The following DPP10 variants were observed in gnomAD, a reference collection of about 807,000 sequenced individuals.
DPP10 encodes the protein inactive dipeptidyl peptidase 10.
A neutral mutation model predicts 120.9 loss-of-function variants in DPP10; 33 were observed. The ratio of observed to expected loss-of-function variants is 0.27; its 90% CI spans 0.21 to 0.37. The LOEUF is 0.37. Among genes scored for constraint, DPP10 ranks in the 10% least tolerant of loss-of-function variants. The pLI, the probability that DPP10 is intolerant of heterozygous loss-of-function variation, is 1.00. For synonymous variants in DPP10, 337 were observed against 326.1 expected, an observed-to-expected ratio of 1.03 and a Z score of -0.36; for missense variants, 816 against 942.8, an observed-to-expected ratio of 0.87 and a Z score of 1.76.
At chr2:115,376,821 G>A (rs1257025313) in intron 3 of DPP10, among the ~76,000 whole-genome samples, 3 of 150,016 alleles carry the variant, frequency 2.0e-5, no homozygotes, top group Admixed American at 1.3e-4. Flanking sequence ...TTGTTCTTGC[G>A]ATAGTTTACT....
chr2:115,556,999 C>T (rs982345707), intron 5 of DPP10, among the ~76,000 whole-genome samples: 1 of 152,134 alleles, frequency 6.6e-6, no homozygotes, highest in African/African-American at 2.4e-5. Context: ...AATAATTTTT[C>T]TGACTACAAG....
chr2:114,624,444 G>A (rs1174777767), intron 1 of DPP10, among the ~76,000 whole-genome samples: 4 of 151,916 alleles, frequency 2.6e-5, no homozygotes, highest in Non-Finnish European at 5.9e-5. Context: ...AAATTATCAT[G>A]TGAATATTAT....
At chr2:115,699,000 C>A (rs2091741323) in intron 7 of DPP10, among the ~76,000 whole-genome samples, 2 of 95,056 alleles carry the variant, frequency 2.1e-5, no homozygotes, top group Non-Finnish European at 2.1e-5. Flanking sequence ...ACTAAATTGG[C>A]AAACCTTTAG....
chr2:115,016,771 G>A (rs1000842530), intron 1 of DPP10, among the ~76,000 whole-genome samples: 18 of 151,974 alleles, frequency 1.2e-4, no homozygotes, highest in South Asian at 2.1e-4. Flanking sequence ...TGTTTATTGC[G>A]GCACTATTCA....
At chr2:115,403,581 G>A (rs997340956) in intron 3 of DPP10, among the ~76,000 whole-genome samples, 3 of 151,794 alleles carry the variant, frequency 2.0e-5, no homozygotes, top group African/African-American at 7.3e-5. Flanking sequence ...TGTATTTTCA[G>A]TAGAGATAGG....
rs375064041 is a variant in DPP10 at position 115,538,807 on chromosome 2, A to G, written c.441+12835A>G. Among the ~76,000 whole-genome samples, 5 of 152,014 alleles carry G rather than the reference A, an allele frequency of 3.3e-5. No individual in the cohort carries two copies. In the South Asian group the frequency reaches 8.3e-4, roughly 25 times the overall value. On this transcript the variant is annotated intron_variant, in intron 5 of 25. Coordinates refer to ENST00000410059, the MANE Select transcript of DPP10 (RefSeq NM_020868.6). ...CTGCAGTCACCAGCCACATGTGTCTATTGAGGACTTGAAATGTGAGTAGTC... is the reference window on the plus strand; with the variant it reads ...CTGCAGTCACCAGCCACATGTGTCTGTTGAGGACTTGAAATGTGAGTAGTC...
At chr2:115,104,251 G>A (rs1206266897) in intron 1 of DPP10, among the ~76,000 whole-genome samples, 1 of 131,622 alleles carries the variant, frequency 7.6e-6, no homozygotes, top group Non-Finnish European at 1.5e-5. Context: ...CATGACCATA[G>A]CTCACTGCAG....
chr2:114,672,435 A>G (rs79333140), intron 1 of DPP10, among the ~76,000 whole-genome samples: 1 of 152,138 alleles, frequency 6.6e-6, no homozygotes, highest in Non-Finnish European at 1.5e-5. Context: ...AGTACTCTGC[A>G]TGAGTGAATA....
At chr2:114,991,665 A>G (rs1700761844) in intron 1 of DPP10, among the ~76,000 whole-genome samples, 1 of 152,240 alleles carries the variant, frequency 6.6e-6, no homozygotes, top group Non-Finnish European at 1.5e-5. Flanking sequence ...TGATAAATAT[A>G]AACAAAGTAT....
chr2:114,797,722 G>A (rs889305990), intron 1 of DPP10, among the ~76,000 whole-genome samples: 2 of 152,184 alleles, frequency 1.3e-5, no homozygotes, highest in African/African-American at 4.8e-5. Flanking sequence ...GTCAAGTCAT[G>A]CTTACAAGGA....
chr2:114,997,316 C>A (rs1379537570), intron 1 of DPP10, among the ~76,000 whole-genome samples: 42 of 117,244 alleles, frequency 3.6e-4, no homozygotes, highest in Non-Finnish European at 1.9e-4. Flanking sequence ...GGTGAAACCC[C>A]GTCTCTACTG....
chr2:115,629,767 C>T (rs144398729), intron 5 of DPP10, among the ~76,000 whole-genome samples: 342 of 152,092 alleles, frequency 2.2e-3, no homozygotes, highest in Non-Finnish European at 3.9e-3. Flanking sequence ...TCTATATATC[C>T]GTTTTGGTAC....
chr2:115,491,043 G>C (rs1456322949), intron 3 of DPP10, among the ~76,000 whole-genome samples: 2 of 152,056 alleles, frequency 1.3e-5, no homozygotes, highest in African/African-American at 4.8e-5. Context: ...ACTTGAACCT[G>C]GGAGGTGGAG....
rs1169560387 is a variant in DPP10 at position 114,713,982 on chromosome 2, C to CA, written c.60+271156dup. On this transcript the variant is annotated intron_variant, in intron 1 of 25. Transcript: ENST00000410059. ...CCTGGGCTGCAGAGAGAATCCGTCT[C>CA]AAAAAAAAAAAAGAAAAAAATAAAA... Among the ~76,000 whole-genome samples, 807 of 97,492 alleles carry CA rather than the reference C, an allele frequency of 8.3e-3. 4 individuals carry two copies. The highest frequency in any genetic ancestry group is 0.027 in the Middle Eastern group (4 of 150). The allele number at this position is 97,492 out of a possible 152,430, so 64.0% of individuals were successfully genotyped here. A position where few individuals can be genotyped will look rare whatever the true frequency, so the allele number is the denominator to read the frequency against.
At chr2:115,818,115 G>A (rs372075983) in intron 21 of DPP10, among the ~76,000 whole-genome samples, 1 of 152,320 alleles carries the variant, frequency 6.6e-6, no homozygotes, top group East Asian at 1.9e-4. Flanking sequence ...AAGAATGTGA[G>A]TGCAAATGAG....
chr2:114,552,675 A>G (rs576848670), intron 1 of DPP10, among the ~76,000 whole-genome samples: 1 of 152,124 alleles, frequency 6.6e-6, no homozygotes, highest in Admixed American at 6.5e-5. Context: ...CCTCCCGAGT[A>G]GCTGGGATTA....
At position 115,177,739 on chromosome 2, in the gene DPP10, C is replaced by CTTTTG. The variant is rs1032023402; in HGVS notation, c.61-131485_61-131481dup. On this transcript the variant is annotated intron_variant, in intron 1 of 25. Transcript: ENST00000410059. The stretch of plus-strand genomic sequence containing the variant: ...GTTTATTTTGAAGTGTATAACATTG[C>CTTTTG]TTTTGTTTTGTTTTGTTTTTGTTTT... 1.2e-4 allele frequency among the ~76,000 whole-genome samples: 18 copies of CTTTTG among 145,420 alleles called. No homozygotes were observed. The South Asian group carries it at 3.8e-3, about 31-fold the overall frequency.
chr2:114,703,694 A>G (rs1411015711), intron 1 of DPP10, among the ~76,000 whole-genome samples: 1 of 152,186 alleles, frequency 6.6e-6, no homozygotes, highest in Non-Finnish European at 1.5e-5. Context: ...CGATAAGTAT[A>G]CCAAATCTGA....
chr2:115,412,506 T>G (rs1202659049), intron 3 of DPP10, among the ~76,000 whole-genome samples: 1 of 152,192 alleles, frequency 6.6e-6, no homozygotes, highest in Non-Finnish European at 1.5e-5. Flanking sequence ...AAATTTAAAT[T>G]TGTTGTGAAT....
Sources: allele counts gnomAD v4.1 joint callset (sites outside exome capture counted in the v4.1 genomes callset), GRCh38; gene constraint gnomAD v4.1.1; transcripts MANE v1.5; gene names NCBI Gene and HGNC (gene_info 2026-07-23, HGNC 2026-07-21).